MARCHF1: variants seen among roughly 807,000 people sequenced by gnomAD.
The protein encoded by MARCHF1 is E3 ubiquitin-protein ligase MARCHF1.
In MARCHF1, 40 loss-of-function variants were observed where a neutral mutation model predicts 54.2. The observed-to-expected ratio is 0.74, with a 90% CI of 0.57 to 0.96. The LOEUF (loss-of-function observed/expected upper bound fraction) is 0.96. Ranked by LOEUF, MARCHF1 falls within the 40% of genes least tolerant of loss-of-function variation. The pLI, the probability that MARCHF1 is intolerant of heterozygous loss-of-function variation, is 0.00. For missense variants in MARCHF1, 586 were observed against 656.5 expected, an observed-to-expected ratio of 0.89 and a Z score of 1.17; for synonymous variants, 236 against 236.3, an observed-to-expected ratio of 1.00 and a Z score of 0.01.
At chr4:164,364,378 A>G (rs1167986374) in intron 1 of MARCHF1, among the ~76,000 whole-genome samples, 1 of 152,112 alleles carries the variant, frequency 6.6e-6, no homozygotes, top group East Asian at 1.9e-4. Flanking sequence ...AATCTTAAAA[A>G]TACATTCATT....
In MARCHF1 at chr4:163,604,756, C is replaced by T. The variant is rs114129237; in HGVS notation, c.1010+7515G>A. ...GCTCTCTACTAGGCTACATTGAAAT[C>T]CTTGTATACCATATCTCACTCATCT... is the stretch of plus-strand genomic sequence containing the variant. On this transcript the variant is annotated intron_variant, in intron 7 of 9. Coordinates refer to ENST00000514618, the MANE Select transcript of MARCHF1 (RefSeq NM_001394959.1). Among the ~76,000 whole-genome samples the T allele has an allele frequency of 1.4e-3, 217 of 152,254 alleles. 1 individual carries two copies. The highest frequency in any genetic ancestry group is 4.8e-3 in the African/African-American group (201 of 41,568).
chr4:164,181,030 A>G (rs1424268173), intron 1 of MARCHF1, among the ~76,000 whole-genome samples: 1 of 152,132 alleles, frequency 6.6e-6, no homozygotes, highest in Non-Finnish European at 1.5e-5. Flanking sequence ...CTTATTTAAA[A>G]TCCTATTTTA....
In MARCHF1 at chr4:164,224,154, G is replaced by A. The variant is rs569184525; in HGVS notation, c.-322-112492C>T. 7.3e-5 allele frequency among the ~76,000 whole-genome samples: 11 copies of A among 151,222 alleles called. No homozygotes were observed. In the East Asian group the frequency reaches 1.4e-3, roughly 19 times the overall value. ...GTCCAACACAAATTCGTATTAGGCC[G>A]CATTCATATTTTACACAATTCTATT... On this transcript the variant is annotated intron_variant, in intron 1 of 9. Transcript: ENST00000514618.
intron 3 of MARCHF1, among the ~76,000 whole-genome samples, chr4:163,922,962 G>C (rs1040380567): frequency 6.6e-6 from 1 of 151,964 alleles, no homozygotes; most frequent in Non-Finnish European, 1.5e-5. Flanking sequence ...TTTATCCTAA[G>C]CAAAGCTATA....
rs139423900 is a variant in MARCHF1 at position 164,287,087 on chromosome 4, A to T, written c.-323+96783T>A. Among the ~76,000 whole-genome samples, 46 of 148,474 alleles carry T rather than the reference A, an allele frequency of 3.1e-4. 1 individual carries two copies. The highest frequency in any genetic ancestry group is 2.9e-3 in the East Asian group (15 of 5,140). The stretch of plus-strand genomic sequence containing the variant: ...AAATAATTTTATAGTATTAATTTTT[A>T]AAAATAATATAATTTATATTATATA... On this transcript the variant is annotated intron_variant, in intron 1 of 9. Coordinates refer to ENST00000514618, the MANE Select transcript of MARCHF1 (RefSeq NM_001394959.1).
chr4:163,590,425 C>T (rs765936502), intron 7 of MARCHF1, among the ~76,000 whole-genome samples: 3 of 152,028 alleles, frequency 2.0e-5, no homozygotes, highest in Non-Finnish European at 4.4e-5. Flanking sequence ...TTTTCATCCC[C>T]ACAGCAATTT....
intron 8 of MARCHF1, among the ~76,000 whole-genome samples, chr4:163,554,320 G>A (rs894287118): frequency 6.6e-6 from 1 of 152,226 alleles, no homozygotes; most frequent in African/African-American, 2.4e-5. Flanking sequence ...TGAGAGAGGT[G>A]TTAACAACTG....
At chr4:164,171,552 A>G (rs1030499666) in intron 1 of MARCHF1, among the ~76,000 whole-genome samples, 6 of 151,886 alleles carry the variant, frequency 4.0e-5, no homozygotes, top group African/African-American at 1.2e-4. Context: ...TTTTAAAATC[A>G]AAGTTATTGC....
chr4:163,968,624 C>A (rs769528268), intron 3 of MARCHF1, among the ~76,000 whole-genome samples: 18 of 152,282 alleles, frequency 1.2e-4, no homozygotes, highest in African/African-American at 4.3e-4. Flanking sequence ...TTTATAAACA[C>A]TTTCTGCTTT....
intron 1 of MARCHF1, among the ~76,000 whole-genome samples, chr4:164,130,809 A>C (rs1756284896): frequency 6.6e-6 from 1 of 152,184 alleles, no homozygotes. Flanking sequence ...TCCCCAGCAT[A>C]AATTAATACA....
chr4:163,537,489 G>A (rs188558365), intron 9 of MARCHF1, among the ~76,000 whole-genome samples: 2 of 152,266 alleles, frequency 1.3e-5, no homozygotes, highest in African/African-American at 2.4e-5. Context: ...TCTATTTGCC[G>A]ATTTCGCAGA....
chr4:163,848,577 AC>A (rs1385399399), intron 4 of MARCHF1, among the ~76,000 whole-genome samples: 1 of 151,878 alleles, frequency 6.6e-6, no homozygotes, highest in African/African-American at 2.4e-5. Context: ...TAATATTGAA[AC>A]TCTTATTTGA....
chr4:163,567,847 C>T (rs1161109395), intron 8 of MARCHF1, among the ~76,000 whole-genome samples: 10 of 151,880 alleles, frequency 6.6e-5, no homozygotes, highest in African/African-American at 1.9e-4. Flanking sequence ...TTTTTTGAGA[C>T]GTATGCCATA....
At chr4:164,210,996 TAA>T (rs1163635810) in intron 1 of MARCHF1, among the ~76,000 whole-genome samples, 1 of 151,940 alleles carries the variant, frequency 6.6e-6, no homozygotes, top group Non-Finnish European at 1.5e-5. Flanking sequence ...ATGTGGAATC[TAA>T]AAAGAGTAAA....
intron 1 of MARCHF1, among the ~76,000 whole-genome samples, chr4:164,178,460 C>A (rs545366094): frequency 6.6e-6 from 1 of 152,150 alleles, no homozygotes; most frequent in Non-Finnish European, 1.5e-5. Context: ...AAAAGTCAGG[C>A]TGGTTGCAGG....
intron 1 of MARCHF1, among the ~76,000 whole-genome samples, chr4:164,357,739 TG>T (rs1730603229): frequency 1.3e-5 from 2 of 152,320 alleles, no homozygotes; most frequent in South Asian, 4.1e-4. Flanking sequence ...TATTTTACAA[TG>T]GGTACTGAAG....
chr4:164,312,148 G>A (rs1373306924), intron 1 of MARCHF1, among the ~76,000 whole-genome samples: 2 of 152,032 alleles, frequency 1.3e-5, no homozygotes, highest in East Asian at 3.9e-4. Context: ...GAATTCTCAT[G>A]TATTCTCAAT....
At chr4:164,141,858 C>T (rs890854057) in intron 1 of MARCHF1, among the ~76,000 whole-genome samples, 14 of 152,194 alleles carry the variant, frequency 9.2e-5, no homozygotes, top group Non-Finnish European at 1.6e-4. Flanking sequence ...CTACAGCTCC[C>T]AGCGTGAGCA....
At chr4:163,767,338 C>CTT (rs199922569) in intron 4 of MARCHF1, among the ~76,000 whole-genome samples, 14 of 141,750 alleles carry the variant, frequency 9.9e-5, no homozygotes, top group South Asian at 2.2e-4. Flanking sequence ...ATTGCATTGC[C>CTT]TTTTTTTTTT....
Sources: gnomAD v4.1 joint callset for allele counts (sites outside exome capture counted in the v4.1 genomes callset) on GRCh38, gnomAD v4.1.1 for gene constraint, MANE v1.5 for transcripts, NCBI Gene and HGNC (gene_info 2026-07-23, HGNC 2026-07-21) for gene names.